AKAP6: variants seen among roughly 807,000 people sequenced by gnomAD.
AKAP6 encodes A-kinase anchor protein 6.
A neutral mutation model predicts 188.5 loss-of-function variants in AKAP6; 58 were observed. That is an observed-to-expected ratio of 0.31 (90% confidence interval 0.25 to 0.38). AKAP6 has a LOEUF of 0.38. AKAP6 is among the 10% of genes least tolerant of loss of function. The pLI is 1.00. For missense variants in AKAP6, 2,710 were observed against 2,740.0 expected (o/e 0.99, Z 0.24); for synonymous variants, 989 against 998.6 (o/e 0.99, Z 0.18).
chr14:32,363,280 G>A lies in AKAP6; in HGVS notation c.-35+33872G>A, dbSNP rs117678550. On this transcript the variant is annotated intron_variant, in intron 1 of 13. Transcript: ENST00000280979. ...ATTTAAGTCTACCAGAGGGAGTAGAGGAAGGTTTCACAGAGGAGATGTGTA... is the reference window on the plus strand; with the variant it reads ...ATTTAAGTCTACCAGAGGGAGTAGAAGAAGGTTTCACAGAGGAGATGTGTA... Among the ~76,000 whole-genome samples the A allele has an allele frequency of 9.4e-4, 143 of 152,312 alleles. 3 individuals are homozygous for A. In the East Asian group the frequency reaches 0.026, roughly 28 times the overall value.
At chr14:32,626,571 A>G (rs1271122789) in intron 7 of AKAP6, among the ~76,000 whole-genome samples, 2 of 151,990 alleles carry the variant, frequency 1.3e-5, no homozygotes, top group African/African-American at 4.8e-5. Context: ...ACCTCAGTCC[A>G]CTGGACCTGC....
chr14:32,752,828 G>T (rs1250805820), intron 11 of AKAP6, among the ~76,000 whole-genome samples: 2 of 152,016 alleles, frequency 1.3e-5, no homozygotes, highest in Non-Finnish European at 2.9e-5. Context: ...ATGTCTTCCA[G>T]GTTCATCCAT....
At chr14:32,425,083 G>A (rs1257303835) in intron 1 of AKAP6, among the ~76,000 whole-genome samples, 1 of 152,090 alleles carries the variant, frequency 6.6e-6, no homozygotes, top group Non-Finnish European at 1.5e-5. Context: ...TTCCTCTATG[G>A]CTGAAGTAAT....
In AKAP6 at chr14:32,824,818, A is replaced by C. The variant is rs753739079; in HGVS notation, c.*42+3A>C. ...CATGAAAATCATCTCACTGAAAGGT[A>C]CGTATAGTCCTCATGCCGTATATGT... is the stretch of plus-strand genomic sequence containing the variant. On this transcript the variant is annotated splice_donor_region_variant and intron_variant, in intron 13 of 13. Transcript: ENST00000280979. The C allele has an allele frequency of 1.3e-6, 2 of 1,572,088 alleles. No individual in the cohort carries two copies. Among genetic ancestry groups the C allele is most frequent in the East Asian group, 4.5e-5 (2 of 44,726 alleles).
intron 12 of AKAP6, among the ~76,000 whole-genome samples, chr14:32,811,723 C>A (rs138475860): frequency 3.8e-4 from 58 of 152,218 alleles, no homozygotes; most frequent in Middle Eastern, 3.4e-3. Flanking sequence ...AGCCTTATAT[C>A]AGAACTGTAA....
At chr14:32,486,805 T>G (rs2138926356) in intron 2 of AKAP6, among the ~76,000 whole-genome samples, 1 of 152,374 alleles carries the variant, frequency 6.6e-6, no homozygotes, top group Admixed American at 6.5e-5. Context: ...GAATACTCTT[T>G]ATTTCTTTCT....
chr14:32,719,386 A>G (rs2030406797), intron 9 of AKAP6, among the ~76,000 whole-genome samples: 1 of 152,166 alleles, frequency 6.6e-6, no homozygotes, highest in Non-Finnish European at 1.5e-5. Flanking sequence ...AGTAAGGGCG[A>G]TAATACATTC....
chr14:32,459,063 A>G (rs1177577969), intron 2 of AKAP6, among the ~76,000 whole-genome samples: 5 of 152,208 alleles, frequency 3.3e-5, no homozygotes, highest in African/African-American at 4.8e-5. Context: ...TAATTGAACT[A>G]CTTATACATA....
At chr14:32,514,020 T>C (rs547374043) in intron 2 of AKAP6, among the ~76,000 whole-genome samples, 2 of 152,240 alleles carry the variant, frequency 1.3e-5, no homozygotes, top group Non-Finnish European at 2.9e-5. Flanking sequence ...TAAACAAGTA[T>C]TTGACAGCAT....
intron 2 of AKAP6, chr14:32,473,809 G>C (rs894641031): frequency 6.6e-6 from 1 of 152,224 alleles, no homozygotes; most frequent in Admixed American, 6.5e-5. Flanking sequence ...TGTTTTCTTC[G>C]TTTGGTTAAT....
At chr14:32,335,497 T>G (rs1368425165) in intron 1 of AKAP6, among the ~76,000 whole-genome samples, 1 of 152,098 alleles carries the variant, frequency 6.6e-6, no homozygotes, top group African/African-American at 2.4e-5. Context: ...GGGACCATTG[T>G]CAAAACAACC....
intron 2 of AKAP6, among the ~76,000 whole-genome samples, chr14:32,467,183 AC>A (rs1389949501): frequency 3.1e-4 from 46 of 150,186 alleles, no homozygotes; most frequent in African/African-American, 1.1e-3. Context: ...CTGCACATGA[AC>A]CCCCGAACCT....
intron 9 of AKAP6, among the ~76,000 whole-genome samples, chr14:32,696,819 A>T (rs936575616): frequency 6.6e-6 from 1 of 151,864 alleles, no homozygotes; most frequent in Non-Finnish European, 1.5e-5. Flanking sequence ...TGGTTGCAGG[A>T]TTCACAGTGC....
At chr14:32,562,051 T>G (rs1235603820) in intron 4 of AKAP6, among the ~76,000 whole-genome samples, 1 of 152,170 alleles carries the variant, frequency 6.6e-6, no homozygotes, top group South Asian at 2.1e-4. Flanking sequence ...ATTAAGCAAC[T>G]TTATCCAGGA....
chr14:32,402,667 A>C (rs1475540745), intron 1 of AKAP6, among the ~76,000 whole-genome samples: 1 of 151,944 alleles, frequency 6.6e-6, no homozygotes, highest in Non-Finnish European at 1.5e-5. Flanking sequence ...TATTATCCAC[A>C]CAAGATCCAC....
chr14:32,700,984 T>C (rs1890598539), intron 9 of AKAP6, among the ~76,000 whole-genome samples: 1 of 152,218 alleles, frequency 6.6e-6, no homozygotes, highest in Admixed American at 6.5e-5. Context: ...ACTGAGATCT[T>C]TGTACTTTCA....
At chr14:32,701,733 T>G (rs549435122) in intron 9 of AKAP6, among the ~76,000 whole-genome samples, 1 of 152,258 alleles carries the variant, frequency 6.6e-6, no homozygotes, top group South Asian at 2.1e-4. Flanking sequence ...TTCACACATT[T>G]CAGCTTTCTG....
intron 1 of AKAP6, among the ~76,000 whole-genome samples, chr14:32,392,859 A>T (rs1457109828): frequency 6.6e-6 from 1 of 152,046 alleles, no homozygotes; most frequent in Non-Finnish European, 1.5e-5. Flanking sequence ...TAAAATTAAT[A>T]AATAAACTGG....
At chr14:32,789,203 G>T (rs2033530232) in intron 12 of AKAP6, among the ~76,000 whole-genome samples, 1 of 152,170 alleles carries the variant, frequency 6.6e-6, no homozygotes, top group Non-Finnish European at 1.5e-5. Flanking sequence ...CAAGGGTTCT[G>T]CAGACAGAGC....
Sources: gnomAD v4.1 joint callset for allele counts (sites outside exome capture counted in the v4.1 genomes callset) on GRCh38, gnomAD v4.1.1 for gene constraint, MANE v1.5 for transcripts, NCBI Gene and HGNC (gene_info 2026-07-23, HGNC 2026-07-21) for gene names.